ARHGEF26: variants seen among roughly 807,000 people sequenced by gnomAD.
The protein encoded by ARHGEF26 is Rho guanine nucleotide exchange factor 26.
In ARHGEF26, 59 loss-of-function variants were observed where a neutral mutation model predicts 89.4. The observed-to-expected ratio is 0.66, with a 90% CI of 0.54 to 0.82. The LOEUF (loss-of-function observed/expected upper bound fraction) is 0.82, where lower values mean the gene tolerates loss of function less well. ARHGEF26 is among the 40% of genes least tolerant of loss of function. The pLI, the probability that ARHGEF26 is intolerant of heterozygous loss-of-function variation, is 0.00. For missense variants in ARHGEF26, 1,234 were observed against 1,085.6 expected, an observed-to-expected ratio of 1.14 and a Z score of -1.92; for synonymous variants, 500 against 428.4, an observed-to-expected ratio of 1.17 and a Z score of -2.06.
chr3:154,245,453 T>G (rs1717748405), intron 12 of ARHGEF26, among the ~76,000 whole-genome samples: 2 of 152,236 alleles, frequency 1.3e-5, no homozygotes, highest in African/African-American at 2.4e-5. Flanking sequence ...CAAAATTATT[T>G]TCCATGTTAA....
intron 11 of ARHGEF26, among the ~76,000 whole-genome samples, chr3:154,228,984 C>A (rs1249782838): frequency 6.6e-6 from 1 of 152,140 alleles, no homozygotes; most frequent in African/African-American, 2.4e-5. Context: ...AGAAAAGCTG[C>A]TCGGGAGGAC....
At chr3:154,212,446 A>C (rs1004545714) in intron 9 of ARHGEF26, among the ~76,000 whole-genome samples, 1 of 152,168 alleles carries the variant, frequency 6.6e-6, no homozygotes, top group African/African-American at 2.4e-5. Context: ...TATCACTTAA[A>C]GGTGACTACT....
At chr3:154,129,478 T>G in intron 3 of ARHGEF26, 96 bp from the exon 4 acceptor site, 1 of 1,307,064 alleles carries the variant, frequency 7.7e-7, no homozygotes, top group Non-Finnish European at 1.0e-6. Flanking sequence ...TTTATAAAAT[T>G]GGAGGCCAAA....
At position 154,257,336 on chromosome 3, in the gene ARHGEF26, C is replaced by T. The variant is rs184848443; in HGVS notation, c.*1863C>T. 267 of 158,870 alleles carry T rather than the reference C, an allele frequency of 1.7e-3. 2 individuals carry two copies. Among genetic ancestry groups the T allele is most frequent in the African/African-American group, 6.1e-3 (257 of 41,876 alleles). The allele number at this position is 158,870 out of a possible 1,614,324, so 9.8% of individuals were successfully genotyped here. A position where few individuals can be genotyped will look rare whatever the true frequency, so the allele number is the denominator to read the frequency against. The stretch of plus-strand genomic sequence containing the variant: ...GATGTGTTGGGGTTTGCAAAACAAG[C>T]ATTCCGTCACCTCTTTAATAATGTC... On this transcript the variant is annotated 3_prime_UTR_variant, in exon 15 of 15. Transcript: ENST00000465093.
chr3:154,186,886 CTTTTTTTTTT>C (rs201150057), intron 6 of ARHGEF26, among the ~76,000 whole-genome samples: 7 of 82,042 alleles, frequency 8.5e-5, no homozygotes, highest in East Asian at 2.9e-4. Flanking sequence ...TTATTTCAGA[CTTTTTTTTTT>C]TTTTTTTTTT....
intron 3 of ARHGEF26, among the ~76,000 whole-genome samples, chr3:154,125,163 A>G (rs2108037379): frequency 6.6e-6 from 1 of 152,218 alleles, no homozygotes; most frequent in African/African-American, 2.4e-5. Flanking sequence ...TCATGTTTTG[A>G]AGTGTGAAGA....
At chr3:154,247,489 C>G (rs964323199) in intron 12 of ARHGEF26, among the ~76,000 whole-genome samples, 2 of 152,170 alleles carry the variant, frequency 1.3e-5, no homozygotes, top group African/African-American at 2.4e-5. Flanking sequence ...ATTCTCCTCT[C>G]CCATCAATAC....
intron 9 of ARHGEF26, among the ~76,000 whole-genome samples, chr3:154,202,639 G>A (rs539289932): frequency 6.6e-6 from 1 of 152,236 alleles, no homozygotes; most frequent in South Asian, 2.1e-4. Context: ...CATGAGCATG[G>A]AATGTTCTTC....
intron 12 of ARHGEF26, among the ~76,000 whole-genome samples, chr3:154,242,017 A>G (rs1717508903): frequency 6.6e-6 from 1 of 152,220 alleles, no homozygotes; most frequent in African/African-American, 2.4e-5. Context: ...CAAGAGACAT[A>G]AGAAAAATGT....
chr3:154,202,259 G>A (rs1714691626), intron 9 of ARHGEF26, among the ~76,000 whole-genome samples: 1 of 152,108 alleles, frequency 6.6e-6, no homozygotes, highest in Non-Finnish European at 1.5e-5. Context: ...TATTAAATAG[G>A]GATTCCTTTC....
chr3:154,210,972 G>A (rs982114336), intron 9 of ARHGEF26, among the ~76,000 whole-genome samples: 1 of 151,620 alleles, frequency 6.6e-6, no homozygotes, highest in African/African-American at 2.4e-5. Flanking sequence ...TGTCTGGGAG[G>A]TGGGGCCTGG....
Position 154,187,676 on chromosome 3 carries a change from G to T in ARHGEF26, c.1488-9G>T, listed in dbSNP as rs781264698. 5.6e-5 allele frequency: 88 copies of T among 1,584,728 alleles called. No homozygotes were observed. Among genetic ancestry groups the T allele is most frequent in the Admixed American group, 2.0e-4 (11 of 54,646 alleles). ...AAGTGTTAATTTTTTTTTCCCTTTG[G>T]TTTTTCAGGTTCTTTATAGAGTTGG... On this transcript the variant is annotated splice_polypyrimidine_tract_variant and intron_variant, in intron 6 of 14. Coordinates refer to ENST00000465093, the MANE Select transcript of ARHGEF26 (RefSeq NM_015595.4).
chr3:154,168,663 G>A (rs950682188), intron 6 of ARHGEF26, among the ~76,000 whole-genome samples: 7 of 152,138 alleles, frequency 4.6e-5, no homozygotes, highest in Non-Finnish European at 7.4e-5. Flanking sequence ...GCCCAGACGC[G>A]TTGACTCTGT....
chr3:154,238,936 G>A lies in ARHGEF26; in HGVS notation c.2091-1434G>A, dbSNP rs115812421. On this transcript the variant is annotated intron_variant, in intron 11 of 14. Coordinates refer to ENST00000465093, the MANE Select transcript of ARHGEF26 (RefSeq NM_015595.4). ...GGGAATTAAGGGGGGGAGGCGGAAG[G>A]TTGTAGAGTCAATGGGTTGTAAGAA... Among the ~76,000 whole-genome samples, 484 of 152,268 alleles carry A rather than the reference G, an allele frequency of 3.2e-3. 1 individual carries two copies. The highest frequency in any genetic ancestry group is 0.011 in the African/African-American group (451 of 41,560).
intron 6 of ARHGEF26, among the ~76,000 whole-genome samples, chr3:154,159,829 T>TA (rs1274367773): frequency 6.6e-6 from 1 of 152,136 alleles, no homozygotes; most frequent in Admixed American, 6.6e-5. Context: ...GACTAATTCT[T>TA]AAAGCTAAAT....
At chr3:154,212,299 A>G (rs1340321782) in intron 9 of ARHGEF26, among the ~76,000 whole-genome samples, 1 of 151,328 alleles carries the variant, frequency 6.6e-6, no homozygotes, top group African/African-American at 2.4e-5. Context: ...CCATGATCAC[A>G]CCACTGTACT....
chr3:154,167,991 CTTGA>C (rs1242913170), intron 6 of ARHGEF26, among the ~76,000 whole-genome samples: 3 of 152,268 alleles, frequency 2.0e-5, no homozygotes, highest in East Asian at 1.9e-4. Context: ...TGATCATTAG[CTTGA>C]TTAAGATATA....
intron 12 of ARHGEF26, among the ~76,000 whole-genome samples, chr3:154,241,155 T>C (rs1390283222): frequency 6.6e-6 from 1 of 152,220 alleles, no homozygotes; most frequent in South Asian, 2.1e-4. Flanking sequence ...AGTTCTCACA[T>C]TGGATGAGTG....
rs372474018 is a variant in ARHGEF26 at position 154,123,034 on chromosome 3, A to T, written c.1042A>T (p.Met348Leu). 17 of 1,613,874 alleles carry T rather than the reference A, an allele frequency of 1.1e-5. No homozygotes were observed. The highest frequency in any genetic ancestry group is 1.7e-5 in the Admixed American group (1 of 59,988). Residue 348 changes from methionine (M) to leucine (L), a missense_variant, in exon 2 of 15, where the codon ATG (methionine) becomes TTG (leucine). Coordinates refer to ENST00000465093, the MANE Select transcript of ARHGEF26 (RefSeq NM_015595.4). ...GTCCCAGCCTGTTCTGAAAGTGGTG[A>T]TGGAAGACAAGGAGAAGTTTTCCAG... ...RMSQPVLKVV[M>L]EDKEKFSSLG...
Sources: allele counts gnomAD v4.1 joint callset (sites outside exome capture counted in the v4.1 genomes callset), GRCh38; gene constraint gnomAD v4.1.1; transcripts MANE v1.5; gene names NCBI Gene and HGNC (gene_info 2026-07-23, HGNC 2026-07-21).